The following LRRC61 variants were observed in gnomAD, a reference collection of about 807,000 sequenced individuals.
LRRC61 encodes leucine rich repeat containing 61.
LRRC61 carries 9 observed loss-of-function variants against 15.1 expected under a neutral mutation model. The observed-to-expected ratio is 0.60, with a 90% CI of 0.36 to 1.04. LRRC61 has a LOEUF of 1.04. Ranked by LOEUF, LRRC61 falls within the 50% of genes least tolerant of loss-of-function variation. The pLI, the probability that LRRC61 is intolerant of heterozygous loss-of-function variation, is 0.01. For missense variants in LRRC61, 344 were observed against 335.6 expected (o/e 1.03, Z -0.20); for synonymous variants, 173 against 158.6 (o/e 1.09, Z -0.68).
chr7:150,324,720 A>T (rs1278417732), intron 1 of LRRC61, among the ~76,000 whole-genome samples: 2 of 151,956 alleles, frequency 1.3e-5, no homozygotes, highest in Non-Finnish European at 2.9e-5. Context: ...CCCTTTCTCC[A>T]GGAAGCTTCT....
intron 2 of LRRC61, among the ~76,000 whole-genome samples, chr7:150,326,681 T>TG (rs1404411159): frequency 8.9e-6 from 1 of 112,526 alleles, no homozygotes; most frequent in Non-Finnish European, 1.7e-5. Context: ...AGACCCAGTC[T>TG]GAAAAAAAAA....
At chr7:150,329,266 TAA>T (rs952240323) in intron 2 of LRRC61, among the ~76,000 whole-genome samples, 2 of 151,968 alleles carry the variant, frequency 1.3e-5, no homozygotes, top group Non-Finnish European at 2.9e-5. Flanking sequence ...CTGAGAAGAG[TAA>T]AGAGTGAGGG....
chr7:150,313,119 T>C, the LRRC61 span, among the ~76,000 whole-genome samples: 35 of 152,312 alleles, frequency 2.3e-4, no homozygotes, highest in African/African-American at 6.5e-4. Flanking sequence ...TAACCACCTT[T>C]AACTGTAACT....
intron 2 of LRRC61, chr7:150,329,863 T>C (rs1047281297): frequency 2.6e-5 from 4 of 155,356 alleles, no homozygotes; most frequent in Non-Finnish European, 5.7e-5. Context: ...CAAGGGCTGA[T>C]GCTGGGAACC....
chr7:150,327,801 C>G (rs923256084), intron 2 of LRRC61, among the ~76,000 whole-genome samples: 1 of 135,190 alleles, frequency 7.4e-6, no homozygotes, highest in Non-Finnish European at 1.5e-5. Flanking sequence ...GTCTGGGCGA[C>G]AGAGCAAGAC....
the LRRC61 span, among the ~76,000 whole-genome samples, chr7:150,316,593 C>G: frequency 6.7e-6 from 1 of 148,946 alleles, no homozygotes; most frequent in African/African-American, 2.5e-5. Flanking sequence ...TCAAGCGATT[C>G]TCCTGCCTCA....
rs1798091775 is a variant in LRRC61, at chr7:150,330,992, CAAG to C, written c.-145+4986_-145+4988del. 6.2e-7 allele frequency: 1 copy of C among 1,611,922 alleles called. No individual in the cohort carries two copies. Among genetic ancestry groups the C allele is most frequent in the Non-Finnish European group, 8.5e-7 (1 of 1,179,974 alleles). On this transcript the variant is annotated intron_variant, in intron 2 of 2. Coordinates refer to ENST00000359623, the MANE Select transcript of LRRC61 (RefSeq NM_001142928.2). This position sits in a 1 kb window ranked among gnomAD's most constrained non-coding sequence, Gnocchi z 4.6. ...AGAGCCACTGGGCCAGCATCATTGTCAAGAAGTATCTGTGGGAGAATGAGACCG... is the reference window on the plus strand; with the variant it reads ...AGAGCCACTGGGCCAGCATCATTGTCAAGTATCTGTGGGAGAATGAGACCG...
In LRRC61 at chr7:150,338,095, G is replaced by A; in HGVS notation, c.*454G>A. 1.9e-6 allele frequency: 1 copy of A among 525,836 alleles called. No homozygotes were observed. Among genetic ancestry groups the A allele is most frequent in the Non-Finnish European group, 3.2e-6 (1 of 316,178 alleles). The allele number at this position is 525,836 out of a possible 1,614,324, so 32.6% of individuals were successfully genotyped here. ...CTGCTCCTGCACTTACCCCCTCCCC[G>A]CAGCACCTTCTCTGCCCGTTCTTGT... On this transcript the variant is annotated 3_prime_UTR_variant, in exon 3 of 3. Coordinates refer to ENST00000359623, the MANE Select transcript of LRRC61 (RefSeq NM_001142928.2).
chr7:150,325,411 T>C (rs759254085), intron 1 of LRRC61, among the ~76,000 whole-genome samples: 48 of 152,260 alleles, frequency 3.2e-4, no homozygotes, highest in Non-Finnish European at 6.0e-4. Context: ...CTTGGAATCT[T>C]GTCTTGTTGT....
rs1798066240 is a variant in LRRC61, at chr7:150,330,321, C to G, written c.-145+4311C>G. ...CCTTCAAGAGTACAAGGGCAGGCAC[C>G]AGCTGGGGAAGGCTGGTGTTGCCTT... On this transcript the variant is annotated intron_variant, in intron 2 of 2. Coordinates refer to ENST00000359623, the MANE Select transcript of LRRC61 (RefSeq NM_001142928.2). This position sits in a 1 kb window ranked among gnomAD's most constrained non-coding sequence, Gnocchi z 4.6. 2 of 724,164 alleles carry G rather than the reference C, an allele frequency of 2.8e-6. No individual in the cohort carries two copies. Among genetic ancestry groups the G allele is most frequent in the Non-Finnish European group, 5.0e-6 (2 of 397,260 alleles). 44.9% of individuals were successfully genotyped at this position (724,164 alleles called of 1,614,324 possible).
chr7:150,330,025 A>G lies in LRRC61; in HGVS notation c.-145+4015A>G. On this transcript the variant is annotated intron_variant, in intron 2 of 2. Coordinates refer to ENST00000359623, the MANE Select transcript of LRRC61 (RefSeq NM_001142928.2). This position sits in a 1 kb window ranked among gnomAD's most constrained non-coding sequence, Gnocchi z 4.6. ...TGCCCCAGCCTGGAGCAGGCGGCCA[A>G]GGGTGAGGGCTGTTCCCCCATCCCT... The G allele has an allele frequency of 5.2e-6, 1 of 192,588 alleles. No individual in the cohort carries two copies. The allele number at this position is 192,588 out of a possible 1,614,324, so 11.9% of individuals were successfully genotyped here. A position where few individuals can be genotyped will look rare whatever the true frequency, so the allele number is the denominator to read the frequency against.
At chr7:150,309,708 C>T in the LRRC61 span, among the ~76,000 whole-genome samples, 4 of 152,158 alleles carry the variant, frequency 2.6e-5, no homozygotes, top group Non-Finnish European at 5.9e-5. Flanking sequence ...TGTGCGGGAC[C>T]CCACTGGAAA....
chr7:150,314,761 C>G, the LRRC61 span, among the ~76,000 whole-genome samples: 1 of 147,522 alleles, frequency 6.8e-6, no homozygotes, highest in African/African-American at 2.5e-5. Flanking sequence ...ATGGCAAAAT[C>G]CCATCTCTCC....
chr7:150,311,363 A>G, the LRRC61 span, among the ~76,000 whole-genome samples: 4 of 152,146 alleles, frequency 2.6e-5, no homozygotes, highest in Non-Finnish European at 5.9e-5. Flanking sequence ...CCTCATGTCT[A>G]CTTGCAGTGG....
chr7:150,335,010 A>G lies in LRRC61; in HGVS notation c.-144-1708A>G, dbSNP rs1194755736. Among the ~76,000 whole-genome samples, 2 of 151,098 alleles carry G rather than the reference A, an allele frequency of 1.3e-5. No individual in the cohort carries two copies. On this transcript the variant is annotated intron_variant, in intron 2 of 2. Coordinates refer to ENST00000359623, the MANE Select transcript of LRRC61 (RefSeq NM_001142928.2). The surrounding 1 kb of genome is among the most constrained non-coding windows in gnomAD (Gnocchi z 4.3). ...GTGCCATTGCACTCCAGCCAGGGCA[A>G]CAAGAGTGAAACTCTGTCTCAAAAA...
Position 150,337,325 on chromosome 7 carries a change from C to T in LRRC61, c.464C>T (p.Pro155Leu). 6.2e-7 allele frequency: 1 copy of T among 1,604,042 alleles called. No individual in the cohort carries two copies. Among genetic ancestry groups the T allele is most frequent in the East Asian group, 2.2e-5 (1 of 44,878 alleles). The change falls in exon 3 of 3, where the codon CCT becomes CTT. Residue 155 changes from proline (P) to leucine (L), a missense_variant. Coordinates refer to ENST00000359623, the MANE Select transcript of LRRC61 (RefSeq NM_001142928.2). ...TGGGCTGCAGTCCGGGAGCTGCTGC[C>T]TGGCCTGAAAGTCATCGACGGTGAG... ...SYWAAVRELLPGLKVIDGERV... is the reference protein window; with the variant it reads ...SYWAAVRELLLGLKVIDGERV...
the LRRC61 span, among the ~76,000 whole-genome samples, chr7:150,309,720 C>T: frequency 3.3e-5 from 5 of 152,312 alleles, no homozygotes; most frequent in Non-Finnish European, 5.9e-5. Flanking sequence ...CACTGGAAAT[C>T]GGACTGTCCA....
At position 150,337,858 on chromosome 7, in the gene LRRC61, A is replaced by G. The variant is rs1319159204; in HGVS notation, c.*217A>G. ...TGTGAGCAGGTGTAAGGGCTCCCAC[A>G]TCCGTGAGCCTGTGTCCGCAGCTGC... On this transcript the variant is annotated 3_prime_UTR_variant, in exon 3 of 3. Coordinates refer to ENST00000359623, the MANE Select transcript of LRRC61 (RefSeq NM_001142928.2). The G allele has an allele frequency of 6.9e-6, 4 of 579,994 alleles. No individual in the cohort carries two copies. The highest frequency in any genetic ancestry group is 1.2e-5 in the Non-Finnish European group (4 of 332,688). 35.9% of individuals were successfully genotyped at this position (579,994 alleles called of 1,614,324 possible).
At chr7:150,311,677 T>C in the LRRC61 span, among the ~76,000 whole-genome samples, 1 of 152,130 alleles carries the variant, frequency 6.6e-6, no homozygotes, top group African/African-American at 2.4e-5. Flanking sequence ...ATTTTTCCAA[T>C]CCCAAACCCA....
Sources: allele counts gnomAD v4.1 joint callset (sites outside exome capture counted in the v4.1 genomes callset), GRCh38; gene constraint gnomAD v4.1.1; non-coding constraint Gnocchi (gnomAD v3.1); transcripts MANE v1.5; gene names NCBI Gene and HGNC (gene_info 2026-07-23, HGNC 2026-07-21).